RUFY4: variants seen among roughly 807,000 people sequenced by gnomAD.
RUFY4 encodes RUN and FYVE domain-containing protein 4.
Under a neutral mutation model 69.0 loss-of-function variants are expected in RUFY4, and 73 were observed. The ratio of observed to expected loss-of-function variants is 1.06; its 90% CI spans 0.88 to 1.29. RUFY4 has a LOEUF of 1.29. RUFY4 is among the 50% of genes most tolerant of loss of function. The pLI, the probability that RUFY4 is intolerant of heterozygous loss-of-function variation, is 0.00. For synonymous variants in RUFY4, 287 were observed against 271.8 expected, an observed-to-expected ratio of 1.06 and a Z score of -0.55; for missense variants, 770 against 705.6, an observed-to-expected ratio of 1.09 and a Z score of -1.03.
intron 8 of RUFY4, among the ~76,000 whole-genome samples, chr2:218,076,815 C>T (rs1262720202): frequency 6.6e-6 from 1 of 152,230 alleles, no homozygotes. Flanking sequence ...CCCCTGCCTC[C>T]CTCTGCTGCC....
intron 2 of RUFY4, among the ~76,000 whole-genome samples, chr2:218,039,090 G>T (rs527477487): frequency 6.6e-6 from 1 of 152,220 alleles, no homozygotes; most frequent in South Asian, 2.1e-4. Flanking sequence ...AACCAACATC[G>T]GTAAAAGCAA....
At chr2:218,060,568 G>C (rs141788660) in intron 3 of RUFY4, 22 of 1,309,902 alleles carry the variant, frequency 1.7e-5, no homozygotes, top group South Asian at 4.7e-5. Context: ...GCGCTCACAG[G>C]TCTCATTGGT....
At chr2:218,056,447 T>C (rs1689067778) in intron 2 of RUFY4, among the ~76,000 whole-genome samples, 1 of 152,116 alleles carries the variant, frequency 6.6e-6, no homozygotes, top group African/African-American at 2.4e-5. Context: ...CTTGCCCAAA[T>C]GTGGCCCGGG....
At chr2:218,054,916 T>C (rs1689026658) in intron 2 of RUFY4, among the ~76,000 whole-genome samples, 1 of 152,222 alleles carries the variant, frequency 6.6e-6, no homozygotes, top group Non-Finnish European at 1.5e-5. Flanking sequence ...TTTATGACAA[T>C]ATAGTTATTC....
exon 7 of RUFY4, chr2:218,075,180 G>C: frequency 1.3e-6 from 2 of 1,557,498 alleles, no homozygotes; most frequent in Non-Finnish European, 1.7e-6. Flanking sequence ...TGCACCCAGT[G>C]GACAGCAGCT....
At chr2:218,081,999 G>A (rs1158016090) in intron 8 of RUFY4, among the ~76,000 whole-genome samples, 4 of 152,326 alleles carry the variant, frequency 2.6e-5, no homozygotes, top group South Asian at 2.1e-4. Context: ...CATCCTGAGC[G>A]CTGGGACTCT....
chr2:218,070,343 A>T, upstream of RUFY4: 1 of 540,668 alleles, frequency 1.8e-6, no homozygotes, highest in Non-Finnish European at 3.4e-6. Flanking sequence ...TGGGACAAGG[A>T]CATCAAGTGT....
chr2:218,086,279 T>C (rs977238995), intron 9 of RUFY4, among the ~76,000 whole-genome samples: 3 of 151,992 alleles, frequency 2.0e-5, no homozygotes, highest in Non-Finnish European at 4.4e-5. Context: ...AAATGAAACA[T>C]AGCAAAAATT....
upstream of RUFY4, among the ~76,000 whole-genome samples, chr2:218,068,188 ACTGGAGGAGGGCAGGGGG>A (rs1559429745): frequency 1.7e-4 from 19 of 110,602 alleles, no homozygotes; most frequent in Admixed American, 2.6e-4. Context: ...AGGGCAGGGG[ACTGGAGGAGGGCAGGGGG>A]CTGGAGGATG....
Position 218,074,681 on chromosome 2 carries a change from G to A in RUFY4, c.601-412G>A, listed in dbSNP as rs1187347289. 6.6e-5 allele frequency among the ~76,000 whole-genome samples: 10 copies of A among 152,158 alleles called. 1 individual carries two copies. Among genetic ancestry groups the A allele is most frequent in the East Asian group, 3.8e-4 (2 of 5,196 alleles). ...CTCTTAGCTGAGTGTCGGTCTAGTC[G>A]AGATTTCATCACAACCCTAAAACCG... On this transcript the variant is annotated intron_variant, in intron 6 of 10. Coordinates refer to ENST00000344321, the Ensembl canonical transcript of RUFY4.
intron 2 of RUFY4, among the ~76,000 whole-genome samples, chr2:218,052,532 C>A (rs1222211623): frequency 6.6e-6 from 1 of 152,110 alleles, no homozygotes; most frequent in Non-Finnish European, 1.5e-5. Flanking sequence ...TAAAGACAAG[C>A]AGTTATACTG....
intron 2 of RUFY4, among the ~76,000 whole-genome samples, chr2:218,043,322 T>C (rs1390862548): frequency 6.6e-6 from 1 of 152,092 alleles, no homozygotes; most frequent in African/African-American, 2.4e-5. Flanking sequence ...AGAGGATAGC[T>C]CCTCTCTGCA....
At chr2:218,073,930 C>T in intron 6 of RUFY4, 45 bp downstream of exon 8, 1 of 1,581,018 alleles carries the variant, frequency 6.3e-7, no homozygotes, top group Non-Finnish European at 8.7e-7. Flanking sequence ...TTCCCCATCT[C>T]CTTGGCATCC....
chr2:218,040,291 T>C (rs1309057271), intron 2 of RUFY4, among the ~76,000 whole-genome samples: 1 of 152,128 alleles, frequency 6.6e-6, no homozygotes, highest in African/African-American at 2.4e-5. Flanking sequence ...GATGTAGACA[T>C]GGTTGGGACT....
intron 2 of RUFY4, among the ~76,000 whole-genome samples, chr2:218,048,049 C>T (rs1378779383): frequency 6.6e-6 from 1 of 152,182 alleles, no homozygotes; most frequent in African/African-American, 2.4e-5. Flanking sequence ...CTGTCTTCCA[C>T]ACTGGTTGAA....
Position 218,060,414 on chromosome 2 carries a change from G to T in RUFY4, c.-1071+1733G>T, listed in dbSNP as rs539072009. Reference sequence around the variant, plus strand: ...TGCTGTCTTTGGGCAGGGAGTCCTTGCTGATCAAGCCGTGTATGGCTATAA... The same window carrying T: ...TGCTGTCTTTGGGCAGGGAGTCCTTTCTGATCAAGCCGTGTATGGCTATAA... On this transcript the variant is annotated intron_variant and NMD_transcript_variant, in intron 3 of 13. Transcript: ENST00000457754. The T allele has an allele frequency of 4.2e-4, 653 of 1,545,134 alleles. 4 individuals carry two copies. In the South Asian group the frequency reaches 5.3e-3, roughly 13 times the overall value.
At chr2:218,073,969 C>T (rs1320255723) in intron 6 of RUFY4, 84 bp downstream of exon 8, 2 of 1,357,268 alleles carry the variant, frequency 1.5e-6, no homozygotes, top group East Asian at 4.7e-5. Context: ...GAGCTTCCCC[C>T]TCCGAGTGTA....
intron 2 of RUFY4, among the ~76,000 whole-genome samples, chr2:218,048,766 T>G (rs1475883269): frequency 6.6e-6 from 1 of 152,192 alleles, no homozygotes; most frequent in South Asian, 2.1e-4. Context: ...AAAAAATCCC[T>G]TTAGTGTCAT....
chr2:218,081,477 A>T (rs1451815391), intron 8 of RUFY4, among the ~76,000 whole-genome samples: 1 of 152,102 alleles, frequency 6.6e-6, no homozygotes, highest in Non-Finnish European at 1.5e-5. Context: ...TAGTTTAGTT[A>T]TTTTATGAGT....
Sources: gnomAD v4.1 joint callset for allele counts (sites outside exome capture counted in the v4.1 genomes callset) on GRCh38, gnomAD v4.1.1 for gene constraint, MANE v1.5 for transcripts, NCBI Gene and HGNC (gene_info 2026-07-23, HGNC 2026-07-21) for gene names.